Variants in MCTP2 observed in about 807,000 individuals in gnomAD.
MCTP2 encodes the protein multiple C2 and transmembrane domain containing 2.
A neutral mutation model predicts 111.6 loss-of-function variants in MCTP2; 132 were observed. That is an observed-to-expected ratio of 1.18 (90% CI 1.03 to 1.37). The LOEUF is 1.37. MCTP2 is among the 40% of genes most tolerant of loss of function. The pLI is 0.00. For missense variants in MCTP2, 1,183 were observed against 1,067.9 expected (o/e 1.11, Z -1.50); for synonymous variants, 395 against 387.7 (o/e 1.02, Z -0.22).
chr15:94,420,182 A>T (rs1157419048), intron 17 of MCTP2, among the ~76,000 whole-genome samples: 2 of 152,096 alleles, frequency 1.3e-5, no homozygotes, highest in Non-Finnish European at 2.9e-5. Flanking sequence ...AATATTTTAA[A>T]CCCACTGTTG....
In MCTP2 at chr15:94,465,369, T is replaced by G. The variant is rs149990786; in HGVS notation, c.2361-4964T>G. Among the ~76,000 whole-genome samples the G allele has an allele frequency of 3.0e-4, 45 of 152,226 alleles. No homozygotes were observed. In the East Asian group the frequency reaches 8.3e-3, roughly 28 times the overall value. On this transcript the variant is annotated intron_variant, in intron 20 of 22. Coordinates refer to ENST00000357742, the MANE Select transcript of MCTP2 (RefSeq NM_001385001.1). ...TGCTTTTTCCTATACAGGCATGACC[T>G]ATGATAAAGTTTACTTTATAAATTA...
chr15:94,327,495 AT>A (rs1263500370), intron 4 of MCTP2, among the ~76,000 whole-genome samples: 1 of 152,116 alleles, frequency 6.6e-6, no homozygotes, highest in Non-Finnish European at 1.5e-5. Flanking sequence ...AGTCCTTTTT[AT>A]TTTGCAACAT....
intron 6 of MCTP2, 152 bp from the exon 7 acceptor site, chr15:94,340,661 C>T: frequency 1.8e-6 from 1 of 555,630 alleles, no homozygotes. Context: ...CTGAATATAA[C>T]TGTTTTATTT....
intron 17 of MCTP2, among the ~76,000 whole-genome samples, chr15:94,407,491 C>CT (rs1471276828): frequency 2.0e-5 from 3 of 152,180 alleles, no homozygotes; most frequent in Non-Finnish European, 2.9e-5. Flanking sequence ...ACATCTGTGA[C>CT]TTTTTTCCGA....
intron 13 of MCTP2, 32 bp downstream of exon 13, chr15:94,384,156 C>T (rs1390362337): frequency 6.7e-7 from 1 of 1,492,096 alleles, no homozygotes; most frequent in South Asian, 1.1e-5. Flanking sequence ...ATTATTTCTG[C>T]TGTGCTTGGA....
intron 8 of MCTP2, among the ~76,000 whole-genome samples, chr15:94,354,355 A>G (rs1447783234): frequency 6.6e-6 from 1 of 152,140 alleles, no homozygotes; most frequent in Non-Finnish European, 1.5e-5. Flanking sequence ...CCCACTTGTC[A>G]AGGGAAAGAC....
intron 21 of MCTP2, among the ~76,000 whole-genome samples, chr15:94,472,458 T>C (rs758851992): frequency 2.6e-5 from 4 of 152,220 alleles, no homozygotes; most frequent in East Asian, 1.9e-4. Flanking sequence ...TTCCAATCCC[T>C]CTTTCTCTAT....
chr15:94,252,413 G>C (rs992576043), intron 1 of MCTP2, among the ~76,000 whole-genome samples: 1 of 152,148 alleles, frequency 6.6e-6, no homozygotes, highest in African/African-American at 2.4e-5. Flanking sequence ...ACAGTTGTAA[G>C]ACATGACCTT....
In MCTP2 at chr15:94,262,667, T is replaced by C. The variant is rs575424336; in HGVS notation, c.-66+31003T>C. On this transcript the variant is annotated intron_variant, in intron 1 of 22. Coordinates refer to ENST00000357742, the MANE Select transcript of MCTP2 (RefSeq NM_001385001.1). ...GAAAAACCTCTATTTCTTTCTTTTT[T>C]TTTTTGTGGGGGTGCGTGGAGGAGA... 2.6e-5 allele frequency among the ~76,000 whole-genome samples: 4 copies of C among 151,954 alleles called. No homozygotes were observed. In the East Asian group the frequency reaches 7.7e-4, roughly 29 times the overall value.
chr15:94,379,605 G>A (rs1036705313), intron 12 of MCTP2, among the ~76,000 whole-genome samples: 2 of 151,366 alleles, frequency 1.3e-5, no homozygotes, highest in Non-Finnish European at 2.9e-5. Context: ...ACTGGTCATG[G>A]TCTTCAAGCC....
chr15:94,338,211 G>A (rs947326096), intron 4 of MCTP2, among the ~76,000 whole-genome samples: 4 of 150,252 alleles, frequency 2.7e-5, no homozygotes, highest in Admixed American at 2.6e-4. Flanking sequence ...GGAGATACCA[G>A]TGAACAGACC....
intron 4 of MCTP2, among the ~76,000 whole-genome samples, chr15:94,324,429 T>C (rs541482454): frequency 5.3e-5 from 8 of 152,336 alleles, no homozygotes; most frequent in Admixed American, 5.2e-4. Flanking sequence ...TCTGTAGCGT[T>C]GCAAAAGGAA....
intron 17 of MCTP2, among the ~76,000 whole-genome samples, chr15:94,423,459 G>T (rs2082721279): frequency 1.3e-5 from 2 of 152,052 alleles, no homozygotes; most frequent in Non-Finnish European, 2.9e-5. Context: ...TAACACAAAA[G>T]GGAAAAGTAC....
chr15:94,467,409 C>T (rs1467949020), intron 20 of MCTP2, among the ~76,000 whole-genome samples: 1 of 54,430 alleles, frequency 1.8e-5, no homozygotes, highest in East Asian at 4.2e-4. Context: ...ATAGTTGTTA[C>T]TTACTTTTAT....
intron 8 of MCTP2, among the ~76,000 whole-genome samples, chr15:94,351,011 T>G (rs987862672): frequency 6.6e-6 from 1 of 151,878 alleles, no homozygotes; most frequent in Non-Finnish European, 1.5e-5. Flanking sequence ...TATTTTTAAG[T>G]ACAAAAATTG....
Position 94,308,181 on chromosome 15 carries a change from A to G in MCTP2, c.466-6101A>G, listed in dbSNP as rs938538394. On this transcript the variant is annotated intron_variant, in intron 2 of 22. Transcript: ENST00000357742. ...TTAATTATTCTAACAACCTATAAGA[A>G]TCTGTTTTGATCCATTGAGAGATGT... 9.9e-5 allele frequency among the ~76,000 whole-genome samples: 15 copies of G among 152,240 alleles called. 1 individual carries two copies. Among genetic ancestry groups the G allele is most frequent in the Middle Eastern group, 6.8e-3 (2 of 294 alleles).
chr15:94,393,761 C>T (rs1413532808), intron 14 of MCTP2, among the ~76,000 whole-genome samples: 1 of 151,862 alleles, frequency 6.6e-6, no homozygotes, highest in Non-Finnish European at 1.5e-5. Context: ...TTAAAGAAGT[C>T]AAAATCAGCC....
At position 94,325,495 on chromosome 15, in the gene MCTP2, T is replaced by A. The variant is rs571749358; in HGVS notation, c.637+9858T>A. 8.5e-5 allele frequency among the ~76,000 whole-genome samples: 13 copies of A among 152,292 alleles called. No homozygotes were observed. The South Asian group carries it at 2.5e-3, about 29-fold the overall frequency. ...CTCATCAATTTTTGTACTTTTTGTG[T>A]ATCTTTTTGCTCTTTTACTTCTTTT... On this transcript the variant is annotated intron_variant, in intron 4 of 22. Coordinates refer to ENST00000357742, the MANE Select transcript of MCTP2 (RefSeq NM_001385001.1).
At chr15:94,400,895 C>T (rs530735280) in intron 16 of MCTP2, among the ~76,000 whole-genome samples, 1 of 152,238 alleles carries the variant, frequency 6.6e-6, no homozygotes, top group Non-Finnish European at 1.5e-5. Flanking sequence ...GGGGAAGCCT[C>T]CAAATATTTC....
Sources: gnomAD v4.1 joint callset for allele counts (sites outside exome capture counted in the v4.1 genomes callset) on GRCh38, gnomAD v4.1.1 for gene constraint, MANE v1.5 for transcripts, NCBI Gene and HGNC (gene_info 2026-07-23, HGNC 2026-07-21) for gene names.